UBOX5: variants seen among roughly 807,000 people sequenced by gnomAD.
UBOX5 encodes the protein RING finger protein 37.
UBOX5 carries 28 observed loss-of-function variants against 39.0 expected under a neutral mutation model. The observed-to-expected ratio is 0.72, with a 90% CI of 0.53 to 0.98. The LOEUF (loss-of-function observed/expected upper bound fraction) is 0.98, where lower values mean the gene tolerates loss of function less well. Among genes scored for constraint, UBOX5 ranks in the 50% least tolerant of loss-of-function variants. The pLI, the probability that UBOX5 is intolerant of heterozygous loss-of-function variation, is 0.00. For synonymous variants in UBOX5, 283 were observed against 275.5 expected (o/e 1.03, Z -0.27); for missense variants, 585 against 674.4 (o/e 0.87, Z 1.47).
intron 4 of UBOX5, among the ~76,000 whole-genome samples, chr20:3,115,033 A>G (rs2066282523): frequency 1.3e-5 from 2 of 152,204 alleles, no homozygotes; most frequent in African/African-American, 4.8e-5. Flanking sequence ...ACAAGGAAAC[A>G]CATCAGAGGG....
chr20:3,132,600 C>T (rs956346464), intron 1 of UBOX5, among the ~76,000 whole-genome samples: 4 of 151,750 alleles, frequency 2.6e-5, no homozygotes, highest in Non-Finnish European at 5.9e-5. Flanking sequence ...GGGCAGATCA[C>T]TTGAGGTCAG....
intron 3 of UBOX5, 41 bp from the exon 4 acceptor site, chr20:3,115,507 T>C (rs1329658817): frequency 1.3e-6 from 2 of 1,563,942 alleles, no homozygotes; most frequent in Non-Finnish European, 1.7e-6. Context: ...AGAGACAGGC[T>C]CCGCAAAAGA....
intron 1 of UBOX5, among the ~76,000 whole-genome samples, chr20:3,123,995 C>G (rs1307279390): frequency 6.6e-6 from 1 of 151,958 alleles, no homozygotes; most frequent in Non-Finnish European, 1.5e-5. Context: ...CAAGACCAGC[C>G]TGGGAAACAT....
At chr20:3,134,676 T>C (rs2066455417) in intron 1 of UBOX5, among the ~76,000 whole-genome samples, 2 of 151,134 alleles carry the variant, frequency 1.3e-5, no homozygotes, top group African/African-American at 2.4e-5. Flanking sequence ...CTGGCCAATA[T>C]GGTGAAACCC....
intron 4 of UBOX5, among the ~76,000 whole-genome samples, chr20:3,113,145 G>C (rs936901660): frequency 1.3e-5 from 2 of 151,728 alleles, no homozygotes; most frequent in Non-Finnish European, 2.9e-5. Context: ...AAATTAGCTG[G>C]GCTTGGTGGC....
intron 1 of UBOX5, among the ~76,000 whole-genome samples, chr20:3,159,240 T>C (rs563853369): frequency 5.3e-5 from 8 of 152,346 alleles, no homozygotes; most frequent in African/African-American, 1.9e-4. Context: ...CCTATCATAC[T>C]GATGTTTACC....
At chr20:3,135,786 TA>T (rs3838048) in intron 1 of UBOX5, among the ~76,000 whole-genome samples, 113,755 of 149,922 alleles carry the variant, frequency 0.76, 44,232 homozygotes, top group East Asian at 0.99. Context: ...AGGTTGTAGT[TA>T]AAAAAAAAAA....
At chr20:3,114,189 T>G (rs535829490) in intron 4 of UBOX5, among the ~76,000 whole-genome samples, 26 of 151,984 alleles carry the variant, frequency 1.7e-4, no homozygotes, top group African/African-American at 6.0e-4. Context: ...CAGGATGAGT[T>G]CCAAGGAGAA....
chr20:3,110,023 A>C lies in UBOX5; in HGVS notation c.*83T>G. ...GCAGCTCTGTGCCTGGGGCCTGGCC[A>C]GACCTCAGGGGTGCTGTGGCCCTGC... On this transcript the variant is annotated 3_prime_UTR_variant, in exon 5 of 5. Transcript: ENST00000217173. The C allele has an allele frequency of 6.5e-7, 1 of 1,548,504 alleles. No homozygotes were observed. Among genetic ancestry groups the C allele is most frequent in the Non-Finnish European group, 8.8e-7 (1 of 1,137,946 alleles).
At chr20:3,133,166 G>GT (rs1568475513) in intron 1 of UBOX5, among the ~76,000 whole-genome samples, 1 of 152,108 alleles carries the variant, frequency 6.6e-6, no homozygotes, top group Non-Finnish European at 1.5e-5. Context: ...GTAGGATTCC[G>GT]TAAGAACCTG....
At chr20:3,140,096 A>ACTGCAACCTCCACCTCC (rs1389566047) in intron 1 of UBOX5, among the ~76,000 whole-genome samples, 2 of 134,586 alleles carry the variant, frequency 1.5e-5, no homozygotes, top group Non-Finnish European at 3.0e-5. Flanking sequence ...ATCTCAGCTC[A>ACTGCAACCTCCACCTCC]CTGCAACCTC....
intron 1 of UBOX5, among the ~76,000 whole-genome samples, chr20:3,130,056 G>T (rs2066417508): frequency 6.6e-6 from 1 of 151,888 alleles, no homozygotes; most frequent in South Asian, 2.1e-4. Flanking sequence ...AAAGTGAGAT[G>T]CCATCTCTAC....
intron 3 of UBOX5, among the ~76,000 whole-genome samples, chr20:3,116,300 C>T (rs1371471559): frequency 6.6e-6 from 1 of 152,194 alleles, no homozygotes; most frequent in Non-Finnish European, 1.5e-5. Flanking sequence ...TAAGACCCCA[C>T]GTTGACCACG....
chr20:3,135,779 T>C (rs1018243857), intron 1 of UBOX5, among the ~76,000 whole-genome samples: 2 of 80,094 alleles, frequency 2.5e-5, no homozygotes, highest in African/African-American at 1.8e-4. Context: ...TTACTAAAGG[T>C]TGTAGTTAAA....
intron 4 of UBOX5, among the ~76,000 whole-genome samples, chr20:3,111,974 C>G (rs1002698584): frequency 6.6e-6 from 1 of 152,154 alleles, no homozygotes; most frequent in African/African-American, 2.4e-5. Context: ...TTCCTGCCTC[C>G]GCATCCCTGA....
rs1025558367 is a variant in UBOX5, at chr20:3,109,029, T to C, written c.*1077A>G. 4 of 150,614 alleles carry C rather than the reference T, an allele frequency of 2.7e-5. No homozygotes were observed. Among genetic ancestry groups the C allele is most frequent in the Non-Finnish European group, 4.4e-5 (3 of 67,832 alleles). The allele number at this position is 150,614 out of a possible 1,614,324, so 9.3% of individuals were successfully genotyped here. ...CTCTGGACGGCCTAAAGGAAAGGAA[T>C]GTGCCGGTTCACAGGGACCCGCGGC... On this transcript the variant is annotated 3_prime_UTR_variant, in exon 5 of 5. Transcript: ENST00000217173.
At chr20:3,121,234 G>T in intron 3 of UBOX5, 150 bp downstream of exon 3, 1 of 1,180,662 alleles carries the variant, frequency 8.5e-7, no homozygotes, top group Non-Finnish European at 1.2e-6. Context: ...ACAAAGCTGA[G>T]GGGCCCCAGG....
rs770694906 is a variant in UBOX5 at position 3,122,407 on chromosome 20, C to T, written c.232G>A (p.Val78Ile). ...IDLTAGGGQN[V>I]TGLEMYTSAS... ...GATGTGTACATTTCCAGGCCAGTGACGTTCTGACCTCCCCCAGCTGTGAGG... is the reference window on the plus strand; with the variant it reads ...GATGTGTACATTTCCAGGCCAGTGATGTTCTGACCTCCCCCAGCTGTGAGG... Residue 78 changes from valine to isoleucine, a missense_variant, in exon 3 of 5, where the codon GTC (valine) becomes ATC (isoleucine). Physicochemically the swap from Val to Ile is conservative, Grantham distance 29 (BLOSUM62 3). Transcript: ENST00000217173. 1.7e-5 allele frequency: 28 copies of T among 1,614,014 alleles called. No homozygotes were observed. The highest frequency in any genetic ancestry group is 1.6e-4 in the Middle Eastern group (1 of 6,082).
intron 1 of UBOX5, among the ~76,000 whole-genome samples, chr20:3,158,384 C>T (rs1555765806): frequency 1.3e-5 from 2 of 152,196 alleles, no homozygotes; most frequent in Non-Finnish European, 2.9e-5. Flanking sequence ...GACTAATAAA[C>T]ATTAGACCTG....
Sources: allele counts gnomAD v4.1 joint callset (sites outside exome capture counted in the v4.1 genomes callset), GRCh38; gene constraint gnomAD v4.1.1; transcripts MANE v1.5; gene names NCBI Gene and HGNC (gene_info 2026-07-23, HGNC 2026-07-21).